Variants in UBQLN1 observed in about 807,000 individuals in gnomAD.
UBQLN1 encodes ubiquilin 1.
In UBQLN1, 13 loss-of-function variants were observed where a neutral mutation model predicts 65.4. The ratio of observed to expected loss-of-function variants is 0.20; its 90% confidence interval spans 0.13 to 0.32. The LOEUF is 0.32. Among genes scored for constraint, UBQLN1 ranks in the 10% least tolerant of loss-of-function variants. The pLI is 1.00. For missense variants in UBQLN1, 561 were observed against 724.0 expected, an observed-to-expected ratio of 0.77 and a Z score of 2.58; for synonymous variants, 267 against 247.8, an observed-to-expected ratio of 1.08 and a Z score of -0.73.
rs541520990 is a variant in UBQLN1 at position 83,695,113 on chromosome 9, T to C, written c.181-8958A>G. Among the ~76,000 whole-genome samples the C allele has an allele frequency of 2.7e-5, 4 of 149,496 alleles. No individual in the cohort carries two copies. The East Asian group carries it at 7.9e-4, about 29-fold the overall frequency. On this transcript the variant is annotated intron_variant, in intron 1 of 10. Coordinates refer to ENST00000376395, the MANE Select transcript of UBQLN1 (RefSeq NM_013438.5). ...TGCTTAACAAAAGGTAAAAATTATA[T>C]ATGAACATATAAATACCTTTCTGGA...
chr9:83,671,597 C>G (rs895768724), intron 6 of UBQLN1, among the ~76,000 whole-genome samples: 1 of 152,116 alleles, frequency 6.6e-6, no homozygotes, highest in African/African-American at 2.4e-5. Flanking sequence ...TCCTTAGCAA[C>G]GTCTCACCAG....
rs992412756 is a variant in UBQLN1, at chr9:83,707,703, T to C, written c.-24A>G. 9.8e-6 allele frequency: 15 copies of C among 1,523,346 alleles called. No individual in the cohort carries two copies. Among genetic ancestry groups the C allele is most frequent in the African/African-American group, 5.7e-5 (4 of 70,774 alleles). The allele number at this position is 1,523,346 out of a possible 1,614,324, so 94.4% of individuals were successfully genotyped here. A position where few individuals can be genotyped will look rare whatever the true frequency, so the allele number is the denominator to read the frequency against. On this transcript the variant is annotated 5_prime_UTR_variant, in exon 1 of 11. Coordinates refer to ENST00000376395, the MANE Select transcript of UBQLN1 (RefSeq NM_013438.5). ...ATGGCTGTGGCGGCGGCGGCGGCGG[T>C]GACTCAGGCAAGCAGGAGGGAGCAG... is the stretch of plus-strand genomic sequence containing the variant.
chr9:83,660,375 T>C lies in UBQLN1; in HGVS notation c.*1412A>G, dbSNP rs1024784378. On this transcript the variant is annotated 3_prime_UTR_variant, in exon 11 of 11. Coordinates refer to ENST00000376395, the MANE Select transcript of UBQLN1 (RefSeq NM_013438.5). ...GAGAGAATATAATCACCTAAGAGAATACTGAACCAGAGTCAGCCAAATGTA... is the reference window on the plus strand; with the variant it reads ...GAGAGAATATAATCACCTAAGAGAACACTGAACCAGAGTCAGCCAAATGTA... 1 of 152,646 alleles carries C rather than the reference T, an allele frequency of 6.6e-6. No homozygotes were observed. The highest frequency in any genetic ancestry group is 1.5e-5 in the Non-Finnish European group (1 of 68,032). 9.5% of individuals were successfully genotyped at this position (152,646 alleles called of 1,614,324 possible).
chr9:83,667,948 A>C, intron 7 of UBQLN1: 1 of 984,996 alleles, frequency 1.0e-6, no homozygotes, highest in Non-Finnish European at 1.2e-6. Flanking sequence ...GTGAGTGCTC[A>C]AGTCACTTTA....
At chr9:83,692,224 AGT>A (rs1001780042) in intron 1 of UBQLN1, among the ~76,000 whole-genome samples, 2 of 152,244 alleles carry the variant, frequency 1.3e-5, no homozygotes, top group African/African-American at 4.8e-5. Flanking sequence ...TAAATAATGT[AGT>A]GTTTTTATCT....
intron 2 of UBQLN1, among the ~76,000 whole-genome samples, chr9:83,683,952 C>A (rs1320741223): frequency 5.9e-5 from 9 of 151,812 alleles, no homozygotes; most frequent in African/African-American, 2.2e-4. Context: ...ACCCAGGAGG[C>A]GGAGGTTGTA....
chr9:83,706,066 G>A (rs1186566405), intron 1 of UBQLN1, among the ~76,000 whole-genome samples: 1 of 152,160 alleles, frequency 6.6e-6, no homozygotes, highest in Admixed American at 6.5e-5. Flanking sequence ...ACAGGTGTAA[G>A]CATTTATGAA....
At chr9:83,673,351 C>G (rs1258130325) in intron 6 of UBQLN1, among the ~76,000 whole-genome samples, 2 of 151,792 alleles carry the variant, frequency 1.3e-5, no homozygotes, top group African/African-American at 4.8e-5. Context: ...CCAGCCTGGC[C>G]AACATGGTGA....
intron 6 of UBQLN1, among the ~76,000 whole-genome samples, 160 bp downstream of exon 6, chr9:83,677,567 A>G (rs1175810836): frequency 6.6e-6 from 1 of 152,046 alleles, no homozygotes; most frequent in African/African-American, 2.4e-5. Flanking sequence ...TATCTCAAAA[A>G]AACAAAACAA....
In UBQLN1 at chr9:83,661,056, T is replaced by A. The variant is rs1384563646; in HGVS notation, c.*731A>T. 1 of 152,214 alleles carries A rather than the reference T, an allele frequency of 6.6e-6. No homozygotes were observed. The highest frequency in any genetic ancestry group is 2.4e-5 in the African/African-American group (1 of 41,462). 9.4% of individuals were successfully genotyped at this position (152,214 alleles called of 1,614,324 possible). A position where few individuals can be genotyped will look rare whatever the true frequency, so the allele number is the denominator to read the frequency against. On this transcript the variant is annotated 3_prime_UTR_variant, in exon 11 of 11. Coordinates refer to ENST00000376395, the MANE Select transcript of UBQLN1 (RefSeq NM_013438.5). ...AATGTTGAGACAATGTTACATTATG[T>A]GTCTGTACAATTAATTGTCCTTAAA...
chr9:83,679,296 C>G (rs1393062132), intron 4 of UBQLN1, among the ~76,000 whole-genome samples: 1 of 152,162 alleles, frequency 6.6e-6, no homozygotes. Context: ...CCTATAAAGC[C>G]AACCTCTTCT....
intron 6 of UBQLN1, 42 bp from the exon 7 acceptor site, chr9:83,669,369 C>T (rs561282612): frequency 1.3e-4 from 194 of 1,541,416 alleles, no homozygotes; most frequent in Non-Finnish European, 1.7e-4. Context: ...AGGAAAAATA[C>T]TTAAACAAAA....
At chr9:83,678,006 T>C in intron 5 of UBQLN1, 45 bp from the exon 6 acceptor site, 1 of 1,412,484 alleles carries the variant, frequency 7.1e-7, no homozygotes, top group Non-Finnish European at 9.6e-7. Context: ...AGCTTTTGTT[T>C]TAAATAAGAT....
rs1831885465 is a variant in UBQLN1 at position 83,678,691 on chromosome 9, G to T, written c.712-92C>A. 5 of 1,257,944 alleles carry T rather than the reference G, an allele frequency of 4.0e-6. No homozygotes were observed. The Admixed American group carries it at 9.2e-5, about 23-fold the overall frequency. 77.9% of individuals were successfully genotyped at this position (1,257,944 alleles called of 1,614,324 possible). A position where few individuals can be genotyped will look rare whatever the true frequency, so the allele number is the denominator to read the frequency against. On this transcript the variant is annotated intron_variant, in intron 4 of 10. Coordinates refer to ENST00000376395, the MANE Select transcript of UBQLN1 (RefSeq NM_013438.5). ...ACTTTATTAACTGCCATTAAACAAA[G>T]TTTATGGGAGGCCACTGTTTTGTTT...
At chr9:83,673,423 T>C (rs1204680005) in intron 6 of UBQLN1, among the ~76,000 whole-genome samples, 1 of 151,168 alleles carries the variant, frequency 6.6e-6, no homozygotes, top group Non-Finnish European at 1.5e-5. Context: ...TGGGTGCCTA[T>C]AATCCCAGCT....
intron 7 of UBQLN1, 163 bp downstream of exon 7, chr9:83,669,020 TAC>T (rs1192143737): frequency 1.3e-6 from 1 of 748,168 alleles, no homozygotes. Context: ...AGTATTAATT[TAC>T]TGCAAAGAAA....
chr9:83,668,445 T>C (rs1831677380), intron 7 of UBQLN1: 1 of 985,274 alleles, frequency 1.0e-6, no homozygotes, highest in Admixed American at 6.2e-5. Context: ...CTCCGTGGTT[T>C]TTCAAGCCCT....
intron 1 of UBQLN1, among the ~76,000 whole-genome samples, chr9:83,704,422 T>C (rs1832362535): frequency 6.6e-6 from 1 of 152,236 alleles, no homozygotes; most frequent in African/African-American, 2.4e-5. Context: ...GTGATAAGCG[T>C]CAATTTTTAT....
intron 1 of UBQLN1, among the ~76,000 whole-genome samples, chr9:83,699,343 C>A (rs1832273766): frequency 1.3e-5 from 2 of 152,100 alleles, no homozygotes; most frequent in Admixed American, 6.5e-5. Flanking sequence ...GTGGCTCATA[C>A]TGTTTTTTGT....
Sources: gnomAD v4.1 joint callset for allele counts (sites outside exome capture counted in the v4.1 genomes callset) on GRCh38, gnomAD v4.1.1 for gene constraint, MANE v1.5 for transcripts, NCBI Gene and HGNC (gene_info 2026-07-23, HGNC 2026-07-21) for gene names.